The following PHIP variants were observed in gnomAD, a reference collection of about 807,000 sequenced individuals.
PHIP encodes the protein PHIP subunit of CUL4-Ring ligase complex, also known as PH-interacting protein.
In PHIP, 54 loss-of-function variants were observed where a neutral mutation model predicts 236.8. That is an observed-to-expected ratio of 0.23 (90% CI 0.18 to 0.29). The LOEUF (loss-of-function observed/expected upper bound fraction) is 0.29. Ranked by LOEUF, PHIP falls within the 10% of genes least tolerant of loss-of-function variation. The pLI is 1.00. For synonymous variants in PHIP, 756 were observed against 718.9 expected (o/e 1.05, Z -0.83); for missense variants, 1,370 against 2,190.8 (o/e 0.63, Z 7.48).
chr6:79,010,991 A>C (rs2127737868), intron 15 of PHIP, among the ~76,000 whole-genome samples: 1 of 152,052 alleles, frequency 6.6e-6, no homozygotes, highest in South Asian at 2.1e-4. Flanking sequence ...GAAGGCCCTC[A>C]GCTTCAGTCC....
At chr6:79,025,796 T>C (rs1338064420) in intron 8 of PHIP, 147 bp downstream of exon 8, 2 of 693,594 alleles carry the variant, frequency 2.9e-6, no homozygotes, top group African/African-American at 1.8e-5. Context: ...ACTCCTGTCT[T>C]CATTTTAGTT....
At chr6:78,942,039 C>T (rs1423003048) in intron 39 of PHIP, among the ~76,000 whole-genome samples, 1 of 152,136 alleles carries the variant, frequency 6.6e-6, no homozygotes, top group Non-Finnish European at 1.5e-5. Flanking sequence ...TCTTTCCCTC[C>T]AAATTTCTGA....
At chr6:79,051,358 T>C (rs1174778181) in intron 6 of PHIP, among the ~76,000 whole-genome samples, 1 of 152,074 alleles carries the variant, frequency 6.6e-6, no homozygotes, top group Admixed American at 6.6e-5. Context: ...AAAAAGATAA[T>C]CTTGTAGTCA....
At chr6:78,965,676 G>A (rs1310853569) in intron 29 of PHIP, 27 bp downstream of exon 29, 1 of 1,334,760 alleles carries the variant, frequency 7.5e-7, no homozygotes, top group Non-Finnish European at 1.1e-6. Flanking sequence ...CCATAATGGA[G>A]AAACAAAAAG....
At chr6:79,048,234 T>C (rs1362544240) in intron 6 of PHIP, among the ~76,000 whole-genome samples, 1 of 152,108 alleles carries the variant, frequency 6.6e-6, no homozygotes, top group African/African-American at 2.4e-5. Context: ...ACTGACATCT[T>C]TCTATCTAGA....
intron 27 of PHIP, among the ~76,000 whole-genome samples, chr6:78,967,328 AC>A (rs3834845): frequency 3.4e-4 from 52 of 152,316 alleles, no homozygotes; most frequent in East Asian, 2.5e-3. Flanking sequence ...CATTCTTGAC[AC>A]CACCACTACC....
At chr6:78,945,276 T>G (rs745460278) in intron 39 of PHIP, 24 bp downstream of exon 39, 10 of 1,512,282 alleles carry the variant, frequency 6.6e-6, no homozygotes, top group Non-Finnish European at 9.2e-6. Context: ...TACTGTATCT[T>G]GAAAGATACA....
intron 35 of PHIP, among the ~76,000 whole-genome samples, chr6:78,954,116 T>C (rs1354981693): frequency 2.0e-5 from 3 of 152,322 alleles, no homozygotes; most frequent in African/African-American, 7.2e-5. Flanking sequence ...TTGTTTGCTT[T>C]TGAGACTCAG....
intron 39 of PHIP, among the ~76,000 whole-genome samples, chr6:78,944,391 G>A (rs765551024): frequency 6.6e-6 from 1 of 152,160 alleles, no homozygotes; most frequent in East Asian, 1.9e-4. Flanking sequence ...ATATGAGAGA[G>A]GGACTGGTTA....
intron 15 of PHIP, among the ~76,000 whole-genome samples, chr6:79,013,388 C>T (rs930368114): frequency 6.6e-6 from 1 of 151,670 alleles, no homozygotes; most frequent in Non-Finnish European, 1.5e-5. Flanking sequence ...CAACTTATTA[C>T]ATGTATTTGT....
At chr6:79,029,422 A>G (rs1362041009) in intron 7 of PHIP, among the ~76,000 whole-genome samples, 4 of 148,640 alleles carry the variant, frequency 2.7e-5, no homozygotes, top group African/African-American at 1.0e-4. Context: ...TGACTATACA[A>G]TATACAAGTA....
At position 78,935,415 on chromosome 6, in the gene PHIP, T is replaced by A; in HGVS notation, c.*5278A>T. The A allele has an allele frequency of 2.5e-6, 2 of 785,784 alleles. No individual in the cohort carries two copies. The highest frequency in any genetic ancestry group is 3.1e-6 in the Non-Finnish European group (2 of 647,974). The allele number at this position is 785,784 out of a possible 1,614,324, so 48.7% of individuals were successfully genotyped here. A position where few individuals can be genotyped will look rare whatever the true frequency, so the allele number is the denominator to read the frequency against. On this transcript the variant is annotated 3_prime_UTR_variant, in exon 40 of 40. Coordinates refer to ENST00000275034, the MANE Select transcript of PHIP (RefSeq NM_017934.7). ...ATGCATGCCAATCTGACAAAATTTC[T>A]AGGAAAACTGCAATAACCTTCTTTC...
rs1712581306 is a variant in PHIP, at chr6:79,078,136, C to G, written c.-68G>C. The G allele has an allele frequency of 6.6e-7, 1 of 1,513,046 alleles. No homozygotes were observed. Among genetic ancestry groups the G allele is most frequent in the Non-Finnish European group, 9.1e-7 (1 of 1,098,020 alleles). The allele number at this position is 1,513,046 out of a possible 1,614,324, so 93.7% of individuals were successfully genotyped here. ...CCGAGGGGAAGCGGGGACGGTGCCG[C>G]CGCCTGCCCTATAGCTGTCAGTGTG... is the stretch of plus-strand genomic sequence containing the variant. On this transcript the variant is annotated 5_prime_UTR_variant, in exon 1 of 40. Transcript: ENST00000275034.
chr6:79,021,108 G>T (rs919050566), intron 9 of PHIP, among the ~76,000 whole-genome samples: 1 of 152,110 alleles, frequency 6.6e-6, no homozygotes, highest in African/African-American at 2.4e-5. Flanking sequence ...ACACACTGGT[G>T]AATTATTTTG....
At position 78,936,696 on chromosome 6, in the gene PHIP, T is replaced by C. The variant is rs1442027343; in HGVS notation, c.*3997A>G. 1 of 151,900 alleles carries C rather than the reference T, an allele frequency of 6.6e-6. No individual in the cohort carries two copies. Among genetic ancestry groups the C allele is most frequent in the Non-Finnish European group, 1.5e-5 (1 of 67,778 alleles). 9.4% of individuals were successfully genotyped at this position (151,900 alleles called of 1,614,324 possible). A position where few individuals can be genotyped will look rare whatever the true frequency, so the allele number is the denominator to read the frequency against. Reference sequence around the variant, plus strand: ...AGCTCATATTTTCTACTCACTGTTCTACTGCAGTGTGTACAAGGTTTATCT... The same window carrying C: ...AGCTCATATTTTCTACTCACTGTTCCACTGCAGTGTGTACAAGGTTTATCT... On this transcript the variant is annotated 3_prime_UTR_variant, in exon 40 of 40. Transcript: ENST00000275034.
intron 35 of PHIP, among the ~76,000 whole-genome samples, chr6:78,949,744 A>G (rs1417628531): frequency 6.6e-6 from 1 of 151,774 alleles, no homozygotes; most frequent in Non-Finnish European, 1.5e-5. Flanking sequence ...GCTAGAGTTC[A>G]GTGGTATCAT....
chr6:79,014,084 T>TTTTTTTTTTTTTTTTTTTTTTTTTTGAG (rs1192416098), intron 15 of PHIP, among the ~76,000 whole-genome samples: 1 of 151,382 alleles, frequency 6.6e-6, no homozygotes. Context: ...CCTTATTTCT[T>TTTTTTTTTTTTTTTTTTTTTTTTTTGAG]ACCTAATGTA....
intron 35 of PHIP, among the ~76,000 whole-genome samples, chr6:78,948,435 T>C (rs1041523187): frequency 6.6e-6 from 1 of 152,102 alleles, no homozygotes; most frequent in Non-Finnish European, 1.5e-5. Context: ...TATCATAATA[T>C]GGTATATAAT....
chr6:78,971,097 C>G (rs1326537456), intron 24 of PHIP, among the ~76,000 whole-genome samples: 1 of 152,124 alleles, frequency 6.6e-6, no homozygotes, highest in African/African-American at 2.4e-5. Flanking sequence ...TGAATACACA[C>G]TTATAAGTTA....
Sources: allele counts gnomAD v4.1 joint callset (sites outside exome capture counted in the v4.1 genomes callset), GRCh38; gene constraint gnomAD v4.1.1; transcripts MANE v1.5; gene names NCBI Gene and HGNC (gene_info 2026-07-23, HGNC 2026-07-21).